The following FGF14 variants were observed in gnomAD, a reference collection of about 807,000 sequenced individuals.
FGF14 encodes fibroblast growth factor 14.
In FGF14, 5 loss-of-function variants were observed where a neutral mutation model predicts 25.5. That is an observed-to-expected ratio of 0.20 (90% CI 0.10 to 0.41). The LOEUF (loss-of-function observed/expected upper bound fraction) is 0.41, where lower values mean the gene tolerates loss of function less well. Ranked by LOEUF, FGF14 falls within the 10% of genes least tolerant of loss-of-function variation. FGF14 has a pLI of 1.00. For missense variants in FGF14, 222 were observed against 320.1 expected, an observed-to-expected ratio of 0.69 and a Z score of 2.34; for synonymous variants, 138 against 118.3, an observed-to-expected ratio of 1.17 and a Z score of -1.08.
intron 1 of FGF14, among the ~76,000 whole-genome samples, chr13:101,975,588 T>C (rs1187037674): frequency 6.6e-6 from 1 of 151,572 alleles, no homozygotes; most frequent in African/African-American, 2.4e-5. Flanking sequence ...GGTTTTAGCT[T>C]CCATGGGCTT....
chr13:102,062,919 A>C (rs183910599), intron 1 of FGF14, among the ~76,000 whole-genome samples: 83 of 152,344 alleles, frequency 5.4e-4, no homozygotes, highest in Admixed American at 2.6e-3. Flanking sequence ...GCATTTCCTA[A>C]ATTTTAATCA....
At chr13:102,083,850 T>C (rs2043758191) in intron 1 of FGF14, among the ~76,000 whole-genome samples, 1 of 152,232 alleles carries the variant, frequency 6.6e-6, no homozygotes, top group African/African-American at 2.4e-5. Flanking sequence ...TTTGGAGTTT[T>C]CATTATTAAA....
chr13:102,188,995 AGAAAGAAAGAAAGAGAAAGAAT>A (rs1566796725), intron 1 of FGF14, among the ~76,000 whole-genome samples: 2 of 90,082 alleles, frequency 2.2e-5, no homozygotes, highest in Non-Finnish European at 4.3e-5. Flanking sequence ...AAAGAAAGAA[AGAAAGAAAGAAAGAGAAAGAAT>A]GAAAGAAGAA....
chr13:101,878,667 AATG>A (rs1248577804), intron 1 of FGF14, among the ~76,000 whole-genome samples: 1 of 152,154 alleles, frequency 6.6e-6, no homozygotes, highest in East Asian at 1.9e-4. Flanking sequence ...AACAAAAACA[AATG>A]ATGATCTATT....
intron 1 of FGF14, among the ~76,000 whole-genome samples, chr13:102,079,876 T>C (rs2043536247): frequency 6.6e-6 from 1 of 152,006 alleles, no homozygotes; most frequent in South Asian, 2.1e-4. Flanking sequence ...ACCTAAAGAA[T>C]ATAAAAGAGG....
intron 1 of FGF14, among the ~76,000 whole-genome samples, chr13:102,020,584 AAGAG>A (rs1183585459): frequency 6.6e-6 from 1 of 151,578 alleles, no homozygotes; most frequent in East Asian, 1.9e-4. Context: ...AAGGAAACAA[AAGAG>A]AGAGAGAGAA....
rs979940961 is a variant in FGF14, at chr13:101,716,338, GTTAT to G, written c.*6489_*6492del. ...TGACATTAAATCATTTAGCCACTAA[GTTAT>G]TTGTCTACTCTCACTTTAAACTCAC... On this transcript the variant is annotated 3_prime_UTR_variant, in exon 5 of 5. Coordinates refer to ENST00000376143, the MANE Select transcript of FGF14 (RefSeq NM_004115.4). 1 of 152,096 alleles carries G rather than the reference GTTAT, an allele frequency of 6.6e-6. No individual in the cohort carries two copies. The highest frequency in any genetic ancestry group is 2.4e-5 in the African/African-American group (1 of 41,418). 9.4% of individuals were successfully genotyped at this position (152,096 alleles called of 1,614,324 possible).
At position 102,374,644 on chromosome 13, in the gene FGF14, TTATATATATATATA is replaced by T. The variant is rs55670716; in HGVS notation, c.208+26813_208+26826del. On this transcript the variant is annotated intron_variant, in intron 1 of 4. Transcript: ENST00000376131. ...TTTTTTAATACATATCTTACATATTTTATATATATATATATATATATATATATATATATATATAT... is the reference window on the plus strand; with the variant it reads ...TTTTTTAATACATATCTTACATATTTTATATATATATATATATATATATAT... 9.8e-3 allele frequency among the ~76,000 whole-genome samples: 485 copies of T among 49,342 alleles called. 6 individuals are homozygous for T. The highest frequency in any genetic ancestry group is 0.021 in the African/African-American group (283 of 13,210). The allele number at this position is 49,342 out of a possible 152,430, so 32.4% of individuals were successfully genotyped here.
chr13:102,279,203 GATAA>G (rs1161098920), intron 1 of FGF14, among the ~76,000 whole-genome samples: 2 of 151,630 alleles, frequency 1.3e-5, no homozygotes, highest in South Asian at 2.1e-4. Flanking sequence ...TAGATAGATA[GATAA>G]ATAGATGATA....
chr13:101,753,713 G>A (rs532418942), intron 3 of FGF14, among the ~76,000 whole-genome samples: 1 of 151,484 alleles, frequency 6.6e-6, no homozygotes, highest in South Asian at 2.1e-4. Flanking sequence ...TGAAGCAGGA[G>A]AATTACTTGA....
intron 1 of FGF14, among the ~76,000 whole-genome samples, chr13:102,231,496 C>T (rs567945685): frequency 1.7e-4 from 26 of 152,188 alleles, no homozygotes; most frequent in Non-Finnish European, 1.6e-4. Context: ...ACAGCTTCAT[C>T]GATAGAATTA....
intron 1 of FGF14, among the ~76,000 whole-genome samples, chr13:102,126,332 G>T (rs1391411660): frequency 6.6e-6 from 1 of 152,156 alleles, no homozygotes; most frequent in East Asian, 1.9e-4. Flanking sequence ...GTGTCCTATT[G>T]TGTCTGGTTT....
intron 1 of FGF14, among the ~76,000 whole-genome samples, chr13:102,379,266 A>G (rs927806645): frequency 5.9e-5 from 9 of 152,200 alleles, no homozygotes; most frequent in African/African-American, 1.9e-4. Context: ...AAGGAAATCA[A>G]TATTACTCTA....
At chr13:102,335,269 A>T (rs2056758959) in intron 1 of FGF14, among the ~76,000 whole-genome samples, 1 of 152,146 alleles carries the variant, frequency 6.6e-6, no homozygotes, top group South Asian at 2.1e-4. Flanking sequence ...CCTTCATTTC[A>T]TTATTCTTTG....
chr13:102,396,556 G>T, intron 1 of FGF14, among the ~76,000 whole-genome samples: 1 of 152,182 alleles, frequency 6.6e-6, no homozygotes, highest in East Asian at 1.9e-4. Flanking sequence ...CTAAAACATG[G>T]AAGACTGGGT....
At chr13:102,161,593 AAGAAGAAGAAGAAGAAGAAGAAG>A (rs2047670923) in intron 1 of FGF14, among the ~76,000 whole-genome samples, 1 of 3,916 alleles carries the variant, frequency 2.6e-4, no homozygotes. Flanking sequence ...GAAGAAGAAG[AAGAAGAAGAAGAAGAAGAAGAAG>A]AAGAAGAAGA....
chr13:102,239,960 T>G (rs1027515213), intron 1 of FGF14, among the ~76,000 whole-genome samples: 2 of 152,184 alleles, frequency 1.3e-5, no homozygotes, highest in Non-Finnish European at 2.9e-5. Flanking sequence ...ACAAGATAAA[T>G]GCAAAGGATA....
At chr13:101,836,950 A>T (rs2042953812) in intron 3 of FGF14, among the ~76,000 whole-genome samples, 2 of 152,044 alleles carry the variant, frequency 1.3e-5, no homozygotes, top group African/African-American at 4.8e-5. Flanking sequence ...CAATTTTTTA[A>T]TTAGAATTGA....
At chr13:102,394,419 G>A (rs1414254437) in intron 1 of FGF14, 1 of 152,388 alleles carries the variant, frequency 6.6e-6, no homozygotes, top group Non-Finnish European at 1.5e-5. Context: ...GGCCACCACG[G>A]AAGAGCGAAG....
Sources: gnomAD v4.1 joint callset for allele counts (sites outside exome capture counted in the v4.1 genomes callset) on GRCh38, gnomAD v4.1.1 for gene constraint, MANE v1.5 for transcripts, NCBI Gene and HGNC (gene_info 2026-07-23, HGNC 2026-07-21) for gene names.